PTPRD: variants seen among roughly 807,000 people sequenced by gnomAD.
PTPRD encodes the protein receptor-type tyrosine-protein phosphatase delta.
PTPRD carries 34 observed loss-of-function variants against 214.5 expected under a neutral mutation model. That is an observed-to-expected ratio of 0.16 (90% CI 0.12 to 0.21). The LOEUF (loss-of-function observed/expected upper bound fraction) is 0.21, where lower values mean the gene tolerates loss of function less well. Among genes scored for constraint, PTPRD ranks in the 10% least tolerant of loss-of-function variants. The pLI is 1.00. For missense variants in PTPRD, 2,545 were observed against 2,398.7 expected (o/e 1.06, Z -1.27); for synonymous variants, 1,128 against 845.7 (o/e 1.33, Z -5.79).
chr9:10,472,265 C>G (rs1332849791), intron 2 of PTPRD, among the ~76,000 whole-genome samples: 1 of 152,046 alleles, frequency 6.6e-6, no homozygotes. Flanking sequence ...TTCAAGACTT[C>G]CTAAGTATCT....
intron 5 of PTPRD, among the ~76,000 whole-genome samples, chr9:9,790,802 G>C (rs773958122): frequency 6.6e-6 from 1 of 152,060 alleles, no homozygotes; most frequent in African/African-American, 2.4e-5. Flanking sequence ...TTCAGTAGTT[G>C]CCTAGAATGG....
intron 9 of PTPRD, among the ~76,000 whole-genome samples, chr9:9,364,194 T>C (rs564967305): frequency 1.3e-5 from 2 of 151,552 alleles, no homozygotes; most frequent in East Asian, 2.0e-4. Flanking sequence ...TTTTTCTCTG[T>C]TGTGGAATTA....
chr9:9,599,925 T>A (rs1315601641), intron 7 of PTPRD, among the ~76,000 whole-genome samples: 1 of 152,024 alleles, frequency 6.6e-6, no homozygotes, highest in Admixed American at 6.6e-5. Flanking sequence ...GGTGAAGAAA[T>A]ATGTCAACTG....
chr9:10,483,340 C>G (rs985566063), intron 2 of PTPRD, among the ~76,000 whole-genome samples: 1 of 151,894 alleles, frequency 6.6e-6, no homozygotes, highest in African/African-American at 2.4e-5. Context: ...TAAATAAAAA[C>G]CTAGGAAACA....
intron 7 of PTPRD, among the ~76,000 whole-genome samples, chr9:9,672,472 A>AT (rs2096850534): frequency 6.6e-6 from 1 of 152,158 alleles, no homozygotes. Context: ...ATGATTACTT[A>AT]TTTTACCTAT....
At chr9:9,470,155 A>G (rs2094492441) in intron 8 of PTPRD, among the ~76,000 whole-genome samples, 1 of 152,146 alleles carries the variant, frequency 6.6e-6, no homozygotes, top group Non-Finnish European at 1.5e-5. Flanking sequence ...TGGTGTTAAT[A>G]GTGGATGTGT....
chr9:8,480,630 T>C (rs1003972534), intron 30 of PTPRD, among the ~76,000 whole-genome samples: 14 of 152,216 alleles, frequency 9.2e-5, no homozygotes, highest in African/African-American at 3.4e-4. Flanking sequence ...CCCAAACTCA[T>C]TGAGTTGTAT....
At chr9:9,548,466 G>A (rs922336181) in intron 8 of PTPRD, among the ~76,000 whole-genome samples, 5 of 146,366 alleles carry the variant, frequency 3.4e-5, no homozygotes, top group South Asian at 2.2e-4. Flanking sequence ...GGAGGGCAGT[G>A]ACATGATCTT....
At chr9:9,936,969 A>G (rs199821334) in intron 5 of PTPRD, among the ~76,000 whole-genome samples, 186 of 151,322 alleles carry the variant, frequency 1.2e-3, no homozygotes, top group Non-Finnish European at 2.2e-3. Context: ...GTAAACTATC[A>G]CAAGAACAAA....
chr9:9,536,984 T>G (rs985743103), intron 8 of PTPRD, among the ~76,000 whole-genome samples: 1 of 151,976 alleles, frequency 6.6e-6, no homozygotes, highest in African/African-American at 2.4e-5. Flanking sequence ...TTTCATCTAC[T>G]AATTGCAGTA....
intron 14 of PTPRD, among the ~76,000 whole-genome samples, chr9:8,590,262 T>C (rs1347631284): frequency 6.6e-6 from 1 of 152,138 alleles, no homozygotes; most frequent in African/African-American, 2.4e-5. Flanking sequence ...GTTCTAAATA[T>C]GACATAAGAG....
chr9:10,467,257 CA>C (rs1468098650), intron 2 of PTPRD, among the ~76,000 whole-genome samples: 2 of 152,146 alleles, frequency 1.3e-5, no homozygotes, highest in African/African-American at 4.8e-5. Context: ...TGGCATCTGC[CA>C]AAAGGGAATA....
chr9:9,954,399 T>C (rs1473749682), intron 4 of PTPRD, among the ~76,000 whole-genome samples: 1 of 151,782 alleles, frequency 6.6e-6, no homozygotes, highest in Non-Finnish European at 1.5e-5. Context: ...CATCTTTTTT[T>C]CTATTAAGTA....
intron 8 of PTPRD, among the ~76,000 whole-genome samples, chr9:9,425,010 T>C (rs1273297675): frequency 6.6e-6 from 1 of 152,146 alleles, no homozygotes; most frequent in East Asian, 1.9e-4. Flanking sequence ...GCAGAAGTGT[T>C]ATTATATCAG....
intron 4 of PTPRD, among the ~76,000 whole-genome samples, chr9:10,011,442 A>G (rs1259803031): frequency 6.6e-6 from 1 of 151,982 alleles, no homozygotes; most frequent in Non-Finnish European, 1.5e-5. Context: ...AACTTATTCT[A>G]ACTCATTTTT....
chr9:9,749,587 A>G (rs938317285), intron 6 of PTPRD, among the ~76,000 whole-genome samples: 1 of 152,180 alleles, frequency 6.6e-6, no homozygotes, highest in African/African-American at 2.4e-5. Flanking sequence ...CTCCATAACA[A>G]GACAATATTC....
intron 3 of PTPRD, among the ~76,000 whole-genome samples, chr9:10,297,699 T>C (rs2095724073): frequency 6.6e-6 from 1 of 151,668 alleles, no homozygotes; most frequent in Non-Finnish European, 1.5e-5. Context: ...TCATATGGAG[T>C]AATGTGACTA....
At chr9:9,519,505 G>A (rs2096914947) in intron 8 of PTPRD, among the ~76,000 whole-genome samples, 1 of 151,866 alleles carries the variant, frequency 6.6e-6, no homozygotes, top group East Asian at 1.9e-4. Flanking sequence ...AGGAATAAAA[G>A]AAGAACATAG....
At chr9:9,648,648 TG>T (rs2096257464) in intron 7 of PTPRD, among the ~76,000 whole-genome samples, 1 of 152,204 alleles carries the variant, frequency 6.6e-6, no homozygotes, top group African/African-American at 2.4e-5. Context: ...ACTAAGGAGT[TG>T]TAGCACAAAA....
Sources: allele counts gnomAD v4.1 joint callset (sites outside exome capture counted in the v4.1 genomes callset), GRCh38; gene constraint gnomAD v4.1.1; transcripts MANE v1.5; gene names NCBI Gene and HGNC (gene_info 2026-07-23, HGNC 2026-07-21).